TTN: variants seen among roughly 807,000 people sequenced by gnomAD.
TTN encodes titin.
A neutral mutation model predicts 3,223.0 loss-of-function variants in TTN; 1,525 were observed. The observed-to-expected ratio is 0.47, with a 90% confidence interval of 0.45 to 0.49. The LOEUF is 0.49. TTN is among the 20% of genes least tolerant of loss of function. TTN has a pLI of 0.00. For missense variants in TTN, 40,786 were observed against 43,424.0 expected (o/e 0.94, Z 5.40); for synonymous variants, 14,094 against 15,161.0 (o/e 0.93, Z 5.17).
rs878991106 is a variant in TTN, at chr2:178,715,695, G to A, written c.25719C>T (p.Ile8573=). 25 of 1,609,450 alleles carry A rather than the reference G, an allele frequency of 1.6e-5. No homozygotes were observed. The highest frequency in any genetic ancestry group is 1.9e-5 in the Non-Finnish European group (22 of 1,177,628). The change falls in exon 89 of 363, where the codon ATC becomes ATT. Residue 8573 remains isoleucine, a synonymous_variant. Coordinates refer to ENST00000589042, the MANE Select transcript of TTN (RefSeq NM_001267550.2). The part of the protein sequence containing the change: ...QDEFTRYECK[I]GGSPEIKVLW... ...AAACTTTGATTTCTGGAGACCCACCGATTTTGCATTCATACCTTGTGAATT... is the reference window on the plus strand; with the variant it reads ...AAACTTTGATTTCTGGAGACCCACCAATTTTGCATTCATACCTTGTGAATT...
intron 47 of TTN, chr2:178,744,843 G>T (rs2083176390): frequency 8.1e-6 from 8 of 984,982 alleles, no homozygotes; most frequent in Non-Finnish European, 9.6e-6. Flanking sequence ...GAAAAATAAG[G>T]TATCTCCAAA....
At position 178,711,104 on chromosome 2, in the gene TTN, G is replaced by A. The variant is rs879082824; in HGVS notation, c.28132C>T (p.Pro9378Ser). Residue 9378 changes from proline to serine, a missense_variant, in exon 97 of 363, where the codon CCT becomes TCT. Physicochemically the swap from Pro to Ser is moderately conservative, Grantham distance 74 (BLOSUM62 -1). Coordinates refer to ENST00000589042, the MANE Select transcript of TTN (RefSeq NM_001267550.2). ...GCACTGGAAGAAGCAGAGCCTATAG[G>A]GTTTGTAGCTGTGCAGGAATACTGG... is the stretch of plus-strand genomic sequence containing the variant. Reference protein sequence around the residue: ...AGQYSCTATNPIGSASSSARL... With the variant: ...AGQYSCTATNSIGSASSSARL... The A allele has an allele frequency of 6.2e-6, 10 of 1,612,882 alleles. No homozygotes were observed. Among genetic ancestry groups the A allele is most frequent in the African/African-American group, 1.3e-5 (1 of 74,892 alleles).
In TTN at chr2:178,670,303, G is replaced by C. The variant is rs1442023305; in HGVS notation, c.35309-8C>G. ...TCTTAGGCACCTCCGGTACTTTAAAGATAATAGTAATAATTTCTTTTATTT... is the reference window on the plus strand; with the variant it reads ...TCTTAGGCACCTCCGGTACTTTAAACATAATAGTAATAATTTCTTTTATTT... On this transcript the variant is annotated splice_polypyrimidine_tract_variant and splice_region_variant and intron_variant, in intron 156 of 362. Coordinates refer to ENST00000589042, the MANE Select transcript of TTN (RefSeq NM_001267550.2). The C allele has an allele frequency of 7.1e-7, 1 of 1,407,928 alleles. No individual in the cohort carries two copies. Among genetic ancestry groups the C allele is most frequent in the Non-Finnish European group, 9.3e-7 (1 of 1,075,068 alleles). 87.2% of individuals were successfully genotyped at this position (1,407,928 alleles called of 1,614,324 possible).
Position 178,586,756 on chromosome 2 carries a change from C to A in TTN, c.64145G>T (p.Ser21382Ile), listed in dbSNP as rs759348008. The A allele has an allele frequency of 6.2e-7, 1 of 1,613,026 alleles. No homozygotes were observed. Residue 21382 changes from serine to isoleucine, a missense_variant, in exon 308 of 363, where the codon AGT becomes ATT. Transcript: ENST00000589042. ...GGGAGGTAACCAGGCTAAGGTGGCA[C>A]TGTTCTTGGTCATTTCAGTCACTTC... is the stretch of plus-strand genomic sequence containing the variant. ...KLEVTEMTKN[S>I]ATLAWLPPLR...
In TTN at chr2:178,720,942, T is replaced by C; in HGVS notation, c.23077A>G (p.Ser7693Gly). ...AHNGVGDASCSTALTVKAPPV... is the reference protein window; with the variant it reads ...AHNGVGDASCGTALTVKAPPV... ...TAACCTTTCACTGTCAACGCTGTGC[T>C]GCAGCTGGCGTCACCAACACCATTA... The change falls in exon 79 of 363, where the codon AGC becomes GGC. Residue 7693 changes from serine to glycine, a missense_variant. Ser to Gly is a moderately conservative substitution (Grantham distance 56). Coordinates refer to ENST00000589042, the MANE Select transcript of TTN (RefSeq NM_001267550.2). The C allele has an allele frequency of 3.8e-6, 6 of 1,597,906 alleles. No homozygotes were observed. Among genetic ancestry groups the C allele is most frequent in the Non-Finnish European group, 5.1e-6 (6 of 1,167,442 alleles).
chr2:178,713,453 A>C (rs778250400), intron 92 of TTN, 81 bp from the exon 93 acceptor site: 79 of 1,444,782 alleles, frequency 5.5e-5, no homozygotes, highest in Non-Finnish European at 7.1e-5. Flanking sequence ...TGAAGAGAGA[A>C]CTGTCTTTTT....
At chr2:178,804,446 G>T in intron 2 of TTN, 106 bp downstream of exon 2, 2 of 1,105,932 alleles carry the variant, frequency 1.8e-6, no homozygotes, top group Non-Finnish European at 2.7e-6. Flanking sequence ...CTAATTTTCC[G>T]AAGTGAAAGC....
In TTN at chr2:178,539,197, G is replaced by T. The variant is rs749035234; in HGVS notation, c.98738C>A (p.Ser32913Tyr). ...GGGCCGGGACCAGGACAAGCTAACA[G>T]AACTCTTGGTTACATCGAGTACTTC... ...PPEVLDVTKS[S>Y]VSLSWSRPKD... Residue 32913 changes from serine to tyrosine, a missense_variant, in exon 353 of 363, where the codon TCT becomes TAT. By Grantham distance (144) the Ser-to-Tyr change is moderately radical. Coordinates refer to ENST00000589042, the MANE Select transcript of TTN (RefSeq NM_001267550.2). 1 of 1,613,792 alleles carries T rather than the reference G, an allele frequency of 6.2e-7. No individual in the cohort carries two copies. The highest frequency in any genetic ancestry group is 2.2e-5 in the East Asian group (1 of 44,858).
At chr2:178,680,431 CT>C in intron 138 of TTN, 100 bp from the exon 139 acceptor site, 1 of 940,450 alleles carries the variant, frequency 1.1e-6, no homozygotes, top group South Asian at 1.5e-5. Context: ...ATGTATCTTC[CT>C]TTAATGAGAT....
intron 13 of TTN, among the ~76,000 whole-genome samples, chr2:178,788,902 T>C (rs967093975): frequency 6.6e-6 from 1 of 152,080 alleles, no homozygotes; most frequent in African/African-American, 2.4e-5. Context: ...TAAAGTTTCA[T>C]ACAAAGAAAA....
chr2:178,775,647 G>C lies in TTN; in HGVS notation c.6217C>G (p.Pro2073Ala). 3.1e-6 allele frequency: 5 copies of C among 1,614,066 alleles called. No individual in the cohort carries two copies. Among genetic ancestry groups the C allele is most frequent in the Non-Finnish European group, 4.2e-6 (5 of 1,179,990 alleles). Residue 2073 changes from proline to alanine, a missense_variant, in exon 28 of 363, where the codon CCT becomes GCT. Transcript: ENST00000589042. ...TFKPDKIELSPSMEAPKIFER... is the reference protein window; with the variant it reads ...TFKPDKIELSASMEAPKIFER... Reference sequence around the variant, plus strand: ...AAGATTTTTGGAGCCTCCATACTAGGACTTAGTTCAATCTTGTCAGGTTTA... The same window carrying C: ...AAGATTTTTGGAGCCTCCATACTAGCACTTAGTTCAATCTTGTCAGGTTTA...
Position 178,677,819 on chromosome 2 carries a change from G to A in TTN, c.34093C>T (p.Pro11365Ser). ...EEIVPEEEVL[P>S]EEEEVLPEEE... is the part of the protein sequence containing the mutation. ...TCAGGTAGAACTTCCTCTTCCTCAG[G>A]TAGAACTTCCTCTTCAGGAACAATT... The change falls in exon 146 of 363, where the codon CCT (proline) becomes TCT (serine). Residue 11365 changes from proline to serine, a missense_variant. Physicochemically the swap from Pro to Ser is moderately conservative, Grantham distance 74. Transcript: ENST00000589042. 1 of 1,612,570 alleles carries A rather than the reference G, an allele frequency of 6.2e-7. No homozygotes were observed. The highest frequency in any genetic ancestry group is 2.2e-5 in the East Asian group (1 of 44,850).
rs1709915221 is a variant in TTN at position 178,575,918 on chromosome 2, C to G, written c.70214G>C (p.Cys23405Ser). 6.2e-7 allele frequency: 1 copy of G among 1,613,428 alleles called. No individual in the cohort carries two copies. Among genetic ancestry groups the G allele is most frequent in the Non-Finnish European group, 8.5e-7 (1 of 1,179,584 alleles). The stretch of plus-strand genomic sequence containing the variant: ...AAATTTACCGGTATCATATCTGTTA[C>G]ATTCTGGGATAATCAGAAGAGTAAA... ...ESFTLLIIPE[C>S]NRYDTGKFVM... Residue 23405 changes from cysteine (C) to serine (S), a missense_variant, in exon 326 of 363, where the codon TGT becomes TCT. Physicochemically the swap from Cys to Ser is moderately radical, Grantham distance 112. Coordinates refer to ENST00000589042, the MANE Select transcript of TTN (RefSeq NM_001267550.2). This position sits in a 1 kb window ranked among gnomAD's most constrained non-coding sequence, Gnocchi z 4.0.
intron 242 of TTN, 85 bp from the exon 243 acceptor site, chr2:178,622,852 ACT>A: frequency 1.9e-6 from 2 of 1,058,608 alleles, no homozygotes; most frequent in Non-Finnish European, 2.7e-6. Flanking sequence ...AGAAAAAGTG[ACT>A]CTTTTTTAGG....
rs745625624 is a variant in TTN at position 178,799,785 on chromosome 2, C to CTATTTCA, written c.669+39_669+40insTGAAATA. 14 of 1,614,206 alleles carry CTATTTCA rather than the reference C, an allele frequency of 8.7e-6. No homozygotes were observed. In the African/African-American group the frequency reaches 1.7e-4, roughly 20 times the overall value. Reference sequence around the variant, plus strand: ...TGAGGAGGAATAGCTGGGGACGCAACAGCCTGAAAGGCTTGAAAACCAACA... The same window carrying CTATTTCA: ...TGAGGAGGAATAGCTGGGGACGCAACTATTTCAAGCCTGAAAGGCTTGAAAACCAACA... On this transcript the variant is annotated intron_variant, in intron 5 of 362. Transcript: ENST00000589042.
At chr2:178,757,147 T>A in intron 45 of TTN, among the ~76,000 whole-genome samples, 1 of 151,386 alleles carries the variant, frequency 6.6e-6, no homozygotes, top group African/African-American at 2.4e-5. Context: ...GTCCACTGTA[T>A]GCTTTAAGTA....
At position 178,540,267 on chromosome 2, in the gene TTN, T is replaced by G; in HGVS notation, c.97899A>C (p.Thr32633=). Residue 32633 remains threonine, a synonymous_variant, in exon 351 of 363, where the codon ACA becomes ACC. Coordinates refer to ENST00000589042, the MANE Select transcript of TTN (RefSeq NM_001267550.2). ...VPEDEGGSKV[T]GYLIEMQKVD... ...CTTTTTGCATTTCAATCAAGTAGCC[T>G]GTGACTTTAGATCCTCCTTCATCTT... 1 of 1,613,876 alleles carries G rather than the reference T, an allele frequency of 6.2e-7. No homozygotes were observed. The highest frequency in any genetic ancestry group is 8.5e-7 in the Non-Finnish European group (1 of 1,179,770).
chr2:178,765,130 G>A, intron 41 of TTN, among the ~76,000 whole-genome samples: 1 of 152,134 alleles, frequency 6.6e-6, no homozygotes, highest in Non-Finnish European at 1.5e-5. Context: ...ACACCTGAAT[G>A]AATTATACAA....
Position 178,698,909 on chromosome 2 carries a change from T to G in TTN, c.30688A>C (p.Lys10230Gln). The change falls in exon 112 of 363, where the codon AAA (lysine) becomes CAA (glutamine). Residue 10230 changes from lysine (K) to glutamine (Q), a missense_variant. Coordinates refer to ENST00000589042, the MANE Select transcript of TTN (RefSeq NM_001267550.2). ...KPPPKRIEVTKKAVKKDAKKV... is the reference protein window; with the variant it reads ...KPPPKRIEVTQKAVKKDAKKV... Reference sequence around the variant, plus strand: ...TTGGCATCTTTCTTCACAGCCTTTTTGGTAACTAAAAAAAAAAAAAAAGAA... The same window carrying G: ...TTGGCATCTTTCTTCACAGCCTTTTGGGTAACTAAAAAAAAAAAAAAAGAA... 6.6e-7 allele frequency: 1 copy of G among 1,504,964 alleles called. No individual in the cohort carries two copies. Among genetic ancestry groups the G allele is most frequent in the Non-Finnish European group, 8.8e-7 (1 of 1,134,540 alleles). 93.2% of individuals were successfully genotyped at this position (1,504,964 alleles called of 1,614,324 possible). A position where few individuals can be genotyped will look rare whatever the true frequency, so the allele number is the denominator to read the frequency against.
Sources: gnomAD v4.1 joint callset for allele counts (sites outside exome capture counted in the v4.1 genomes callset) on GRCh38, gnomAD v4.1.1 for gene constraint, Gnocchi (gnomAD v3.1) non-coding constraint, MANE v1.5 for transcripts, NCBI Gene and HGNC (gene_info 2026-07-23, HGNC 2026-07-21) for gene names.